HIVEP3: variants seen among roughly 807,000 people sequenced by gnomAD.
HIVEP3 encodes the protein HIVEP zinc finger 3, also known as transcription factor HIVEP3.
Under a neutral mutation model 152.8 loss-of-function variants are expected in HIVEP3, and 49 were observed. The observed-to-expected ratio is 0.32, with a 90% CI of 0.26 to 0.41. HIVEP3 has a LOEUF of 0.41. HIVEP3 is among the 10% of genes least tolerant of loss of function. The pLI is 1.00. For missense variants in HIVEP3, 2,790 were observed against 3,103.3 expected, an observed-to-expected ratio of 0.90 and a Z score of 2.40; for synonymous variants, 1,269 against 1,289.0, an observed-to-expected ratio of 0.98 and a Z score of 0.33.
chr1:41,722,088 C>A (rs1281968424), intron 1 of HIVEP3, among the ~76,000 whole-genome samples: 2 of 152,194 alleles, frequency 1.3e-5, no homozygotes, highest in African/African-American at 4.8e-5. Flanking sequence ...TACCCCTGCC[C>A]CTGGGATCTC....
chr1:41,518,409 G>C lies in HIVEP3; in HGVS notation c.5463C>G (p.Ala1821=). 1 of 1,614,070 alleles carries C rather than the reference G, an allele frequency of 6.2e-7. No individual in the cohort carries two copies. The highest frequency in any genetic ancestry group is 8.5e-7 in the Non-Finnish European group (1 of 1,179,924). ...QETGVLEELE[A]EEGTSDDLFQ... is the part of the protein sequence containing the mutation. ...AAGGTTGGCAATTGTTACCTTCTTC[G>C]GCTTCCAGCTCCTCCAGCACCCCTG... Residue 1821 remains alanine (A), a synonymous_variant, in exon 7 of 9, where the codon GCC becomes GCG. Coordinates refer to ENST00000372583, the MANE Select transcript of HIVEP3 (RefSeq NM_024503.5).
chr1:42,004,094 C>A (rs149090870), intron 1 of HIVEP3, among the ~76,000 whole-genome samples: 8 of 152,166 alleles, frequency 5.3e-5, no homozygotes, highest in African/African-American at 1.7e-4. Context: ...CCAGCAAGTC[C>A]GCCTTTGCAA....
At chr1:41,932,054 CAGTA>C (rs1283237198) in intron 1 of HIVEP3, among the ~76,000 whole-genome samples, 2 of 151,672 alleles carry the variant, frequency 1.3e-5, no homozygotes, top group Non-Finnish European at 2.9e-5. Flanking sequence ...AGTTTTTCAC[CAGTA>C]AGTGTGTTGC....
intron 1 of HIVEP3, among the ~76,000 whole-genome samples, chr1:41,780,226 G>A (rs1274766034): frequency 2.6e-5 from 4 of 151,228 alleles, no homozygotes; most frequent in Non-Finnish European, 4.4e-5. Context: ...GAGGCCCACC[G>A]CAGTGAGGGG....
chr1:41,642,953 T>C (rs896476418), intron 2 of HIVEP3, among the ~76,000 whole-genome samples: 2 of 152,140 alleles, frequency 1.3e-5, no homozygotes, highest in Non-Finnish European at 2.9e-5. Flanking sequence ...GAACCATCAC[T>C]GACTTCTTCT....
intron 5 of HIVEP3, among the ~76,000 whole-genome samples, chr1:41,537,033 C>T (rs72951382): frequency 0.016 from 2,510 of 152,264 alleles, 75 homozygotes; most frequent in African/African-American, 0.057. Context: ...AAACTTCTGG[C>T]TCAAAGTAAT....
intron 1 of HIVEP3, among the ~76,000 whole-genome samples, chr1:42,030,392 G>A (rs1446963755): frequency 3.3e-5 from 5 of 152,134 alleles, no homozygotes. Context: ...AACAGGAAAG[G>A]GGGCATCCCA....
At chr1:41,945,961 A>T (rs891653127) in intron 1 of HIVEP3, among the ~76,000 whole-genome samples, 3 of 151,436 alleles carry the variant, frequency 2.0e-5, no homozygotes, top group Non-Finnish European at 4.4e-5. Flanking sequence ...TAGAAACCCT[A>T]CTGAACTTGG....
intron 1 of HIVEP3, among the ~76,000 whole-genome samples, chr1:42,019,767 C>G (rs533537128): frequency 6.6e-6 from 1 of 152,002 alleles, no homozygotes; most frequent in East Asian, 1.9e-4. Context: ...ATCTCTAATG[C>G]AATGCTAAAT....
At chr1:41,897,201 A>G (rs572441089) in intron 1 of HIVEP3, among the ~76,000 whole-genome samples, 1 of 152,250 alleles carries the variant, frequency 6.6e-6, no homozygotes, top group African/African-American at 2.4e-5. Context: ...TACTGCAGAA[A>G]CATCAGAGGT....
intron 1 of HIVEP3, among the ~76,000 whole-genome samples, chr1:41,936,699 T>C (rs757860736): frequency 6.6e-5 from 10 of 152,134 alleles, no homozygotes; most frequent in Non-Finnish European, 1.3e-4. Flanking sequence ...TTTATTGGGG[T>C]TCAAGGTATA....
At chr1:41,738,635 C>T (rs1431691030) in intron 1 of HIVEP3, among the ~76,000 whole-genome samples, 1 of 152,192 alleles carries the variant, frequency 6.6e-6, no homozygotes, top group African/African-American at 2.4e-5. Context: ...TGGACTCAGG[C>T]TTGGAAACCA....
chr1:41,932,379 AT>A (rs1346584806), intron 1 of HIVEP3, among the ~76,000 whole-genome samples: 3 of 151,930 alleles, frequency 2.0e-5, no homozygotes, highest in Non-Finnish European at 4.4e-5. Flanking sequence ...TATTGAAGAT[AT>A]AATATTTCTT....
At chr1:41,913,381 T>C (rs769845644) in intron 1 of HIVEP3, among the ~76,000 whole-genome samples, 10 of 152,200 alleles carry the variant, frequency 6.6e-5, no homozygotes, top group Non-Finnish European at 1.0e-4. Context: ...AATCAATTCA[T>C]GTTTATCAGG....
chr1:42,015,510 G>A (rs573297926), intron 1 of HIVEP3, among the ~76,000 whole-genome samples: 21 of 152,286 alleles, frequency 1.4e-4, no homozygotes, highest in South Asian at 6.2e-4. Flanking sequence ...AAGGAACCAC[G>A]GACATCTGCC....
intron 5 of HIVEP3, chr1:41,542,384 C>A: frequency 6.4e-6 from 1 of 157,106 alleles, no homozygotes; most frequent in South Asian, 1.8e-4. Context: ...CCAAGGGGAC[C>A]ATGAACTTCC....
At chr1:41,606,368 A>G (rs1644822425) in intron 3 of HIVEP3, among the ~76,000 whole-genome samples, 2 of 151,878 alleles carry the variant, frequency 1.3e-5, no homozygotes, top group Admixed American at 6.5e-5. Context: ...CCACCTTCAG[A>G]TTTTTGTTAT....
At chr1:41,620,842 A>T (rs1645037078) in intron 3 of HIVEP3, among the ~76,000 whole-genome samples, 1 of 152,190 alleles carries the variant, frequency 6.6e-6, no homozygotes, top group South Asian at 2.1e-4. Flanking sequence ...TGATTGGTTC[A>T]ACAATTACTG....
intron 1 of HIVEP3, among the ~76,000 whole-genome samples, chr1:41,879,900 T>C (rs539054126): frequency 1.3e-5 from 2 of 152,322 alleles, no homozygotes; most frequent in East Asian, 1.9e-4. Flanking sequence ...CCAACTCACA[T>C]AGAGCTCTTC....
Sources: allele counts gnomAD v4.1 joint callset (sites outside exome capture counted in the v4.1 genomes callset), GRCh38; gene constraint gnomAD v4.1.1; transcripts MANE v1.5; gene names NCBI Gene and HGNC (gene_info 2026-07-23, HGNC 2026-07-21).